The following DDX11 variants were observed in gnomAD, a reference collection of about 807,000 sequenced individuals.
The protein encoded by DDX11 is ATP-dependent DNA helicase DDX11.
In DDX11, 72 loss-of-function variants were observed where a neutral mutation model predicts 125.2. The ratio of observed to expected loss-of-function variants is 0.58; its 90% CI spans 0.48 to 0.70. The LOEUF (loss-of-function observed/expected upper bound fraction) is 0.70. Ranked by LOEUF, DDX11 falls within the 30% of genes least tolerant of loss-of-function variation. The pLI, the probability that DDX11 is intolerant of heterozygous loss-of-function variation, is 0.00. For synonymous variants in DDX11, 347 were observed against 452.6 expected (o/e 0.77, Z 2.96); for missense variants, 883 against 1,165.0 (o/e 0.76, Z 3.52).
Position 31,103,861 on chromosome 12 carries a change from G to T in DDX11, c.*25G>T. ...ATGGGCAACCACACCACTGCCTGGC[G>T]CCGTGCCCTTCCTTTGTCCTGCCCG... On this transcript the variant is annotated 3_prime_UTR_variant, in exon 27 of 27. Coordinates refer to ENST00000542838, the MANE Select transcript of DDX11 (RefSeq NM_030653.4). 6.2e-7 allele frequency: 1 copy of T among 1,613,926 alleles called. No homozygotes were observed. Among genetic ancestry groups the T allele is most frequent in the Non-Finnish European group, 8.5e-7 (1 of 1,179,868 alleles).
rs555181338 is a variant in DDX11 at position 31,080,770 on chromosome 12, G to T, written c.144+2233G>T. Among the ~76,000 whole-genome samples the T allele has an allele frequency of 3.9e-5, 6 of 152,226 alleles. No homozygotes were observed. The South Asian group carries it at 1.2e-3, about 32-fold the overall frequency. The stretch of plus-strand genomic sequence containing the variant: ...CTGCCTTGTTTAATTTTAGAGACAG[G>T]GTGTTGCTCTGTTGCCCAGGGCCGA... On this transcript the variant is annotated intron_variant, in intron 2 of 26. Transcript: ENST00000542838.
In DDX11 at chr12:31,102,407, C is replaced by T. The variant is rs767802441; in HGVS notation, c.2272-20C>T. 84 of 1,610,708 alleles carry T rather than the reference C, an allele frequency of 5.2e-5. 2 individuals are homozygous for T. In the South Asian group the frequency reaches 5.5e-4, roughly 11 times the overall value. ...TCCAAGTTTTGGCTCAGCAACTCAG[C>T]GTCTGGGTTTCTCCTACAGGCCTGT... On this transcript the variant is annotated intron_variant, in intron 22 of 26. Coordinates refer to ENST00000542838, the MANE Select transcript of DDX11 (RefSeq NM_030653.4).
At chr12:31,100,865 C>T (rs1014655941) in intron 19 of DDX11, 158 bp downstream of exon 19, 5 of 1,079,436 alleles carry the variant, frequency 4.6e-6, no homozygotes, top group African/African-American at 3.1e-5. Flanking sequence ...TCCTGCTTTG[C>T]TCCCTGCTGC....
In DDX11 at chr12:31,103,971, T is replaced by A. The variant is rs1046458; in HGVS notation, c.*135T>A. The A allele has an allele frequency of 6.3e-7, 1 of 1,582,548 alleles. No homozygotes were observed. Among genetic ancestry groups the A allele is most frequent in the Non-Finnish European group, 8.6e-7 (1 of 1,165,302 alleles). On this transcript the variant is annotated 3_prime_UTR_variant, in exon 27 of 27. Coordinates refer to ENST00000542838, the MANE Select transcript of DDX11 (RefSeq NM_030653.4). The stretch of plus-strand genomic sequence containing the variant: ...CAGGAGGAGAGTGTGGAGTCCAGAG[T>A]GCTGCCAGGACCCAGGCACAGGCGT...
intron 18 of DDX11, among the ~76,000 whole-genome samples, chr12:31,098,505 T>G (rs982148541): frequency 7.2e-5 from 11 of 152,254 alleles, no homozygotes; most frequent in African/African-American, 2.2e-4. Flanking sequence ...TGTGCTGGAT[T>G]CCAGTTACAC....
Position 31,089,101 on chromosome 12 carries a change from A to G in DDX11, c.742A>G (p.Lys248Glu). ...GGCCCAGTTTGTGCATGAGGTGAAG[A>G]AGAGCCCCTTTGGCAAGGATGTTCG... ...QLAQFVHEVK[K>E]SPFGKDVRLV... is the part of the protein sequence containing the mutation. The change falls in exon 7 of 27, where the codon AAG becomes GAG. Residue 248 changes from lysine (K) to glutamate (E), a missense_variant. Physicochemically the swap from Lys to Glu is moderately conservative, Grantham distance 56. Coordinates refer to ENST00000542838, the MANE Select transcript of DDX11 (RefSeq NM_030653.4). The G allele has an allele frequency of 1.2e-6, 2 of 1,614,022 alleles. No individual in the cohort carries two copies. The highest frequency in any genetic ancestry group is 1.7e-6 in the Non-Finnish European group (2 of 1,179,874).
At position 31,099,080 on chromosome 12, in the gene DDX11, CTTTCTTT is replaced by C. The variant is rs1255287451; in HGVS notation, c.1875+1087_1875+1093del. 1.4e-3 allele frequency among the ~76,000 whole-genome samples: 116 copies of C among 81,310 alleles called. 3 individuals are homozygous for C. Among genetic ancestry groups the C allele is most frequent in the African/African-American group, 6.8e-3 (108 of 15,852 alleles). 53.3% of individuals were successfully genotyped at this position (81,310 alleles called of 152,430 possible). A position where few individuals can be genotyped will look rare whatever the true frequency, so the allele number is the denominator to read the frequency against. ...AATCCATACTGGTATTTCTTTCTTT[CTTTCTTT>C]TTTTTTTTTTTTTTTTTTGAGACAC... On this transcript the variant is annotated intron_variant, in intron 18 of 26. Transcript: ENST00000542838.
chr12:31,089,012 C>G (rs2140683629), intron 6 of DDX11, 32 bp from the exon 7 acceptor site: 2 of 1,581,384 alleles, frequency 1.3e-6, no homozygotes, highest in Non-Finnish European at 1.7e-6. Flanking sequence ...TTTTGGTTCT[C>G]TCTTTGAAGC....
At chr12:31,091,924 T>C in intron 10 of DDX11, 53 bp downstream of exon 10, 1 of 1,611,972 alleles carries the variant, frequency 6.2e-7, no homozygotes. Flanking sequence ...TAAAGGGACT[T>C]GGATGGTTCC....
chr12:31,100,269 CT>C (rs1946140103), intron 18 of DDX11: 1 of 225,354 alleles, frequency 4.4e-6, no homozygotes, highest in Non-Finnish European at 8.8e-6. Flanking sequence ...AGAGTGGTTA[CT>C]TTTGGATTTT....
At chr12:31,102,575 C>A in intron 23 of DDX11, 48 bp downstream of exon 23, 1 of 1,560,474 alleles carries the variant, frequency 6.4e-7, no homozygotes, top group Non-Finnish European at 8.8e-7. Context: ...CATGGCCGGC[C>A]CTCACTCCCA....
chr12:31,078,180 G>T, intron 1 of DDX11: 1 of 1,501,538 alleles, frequency 6.7e-7, no homozygotes, highest in Non-Finnish European at 9.0e-7. Context: ...TGCTACAGCC[G>T]TTAAATGCCG....
intron 2 of DDX11, among the ~76,000 whole-genome samples, chr12:31,079,125 T>A (rs1252724325): frequency 6.6e-6 from 1 of 152,218 alleles, no homozygotes; most frequent in Non-Finnish European, 1.5e-5. Context: ...AATTCTAAGT[T>A]TTAGTCTCTG....
At chr12:31,080,560 T>C (rs1487018674) in intron 2 of DDX11, among the ~76,000 whole-genome samples, 1 of 150,910 alleles carries the variant, frequency 6.6e-6, no homozygotes, top group African/African-American at 2.5e-5. Context: ...TGAGAATGAG[T>C]GGGGGAGATC....
intron 1 of DDX11, 96 bp from the exon 2 acceptor site, chr12:31,078,294 A>G: frequency 6.2e-7 from 1 of 1,610,826 alleles, no homozygotes; most frequent in Non-Finnish European, 8.5e-7. Context: ...ATTTGGTAAT[A>G]AGTGTGGAGA....
At chr12:31,078,195 A>G (rs1941078928) in intron 1 of DDX11, 195 bp from the exon 2 acceptor site, 45 of 1,522,768 alleles carry the variant, frequency 3.0e-5, no homozygotes, top group Non-Finnish European at 3.8e-5. Context: ...ATGCCGCTAG[A>G]TGGAGTGCGT....
At chr12:31,101,749 G>C in intron 20 of DDX11, 84 bp from the exon 21 acceptor site, 2 of 1,579,658 alleles carry the variant, frequency 1.3e-6, no homozygotes, top group Non-Finnish European at 1.7e-6. Flanking sequence ...CCTCAGTTTT[G>C]AGTCTCAAGG....
intron 5 of DDX11, 132 bp from the exon 6 acceptor site, chr12:31,087,806 A>G (rs1943422906): frequency 1.4e-6 from 2 of 1,468,622 alleles, no homozygotes; most frequent in Admixed American, 2.0e-5. Context: ...CTGAGCGAGC[A>G]GCACCTGCTA....
chr12:31,096,105 T>C (rs985617129), intron 14 of DDX11, among the ~76,000 whole-genome samples: 1 of 151,780 alleles, frequency 6.6e-6, no homozygotes, highest in Non-Finnish European at 1.5e-5. Flanking sequence ...AGAGAGACAT[T>C]TGGAAAGAGG....
Sources: allele counts gnomAD v4.1 joint callset (sites outside exome capture counted in the v4.1 genomes callset), GRCh38; gene constraint gnomAD v4.1.1; transcripts MANE v1.5; gene names NCBI Gene and HGNC (gene_info 2026-07-23, HGNC 2026-07-21).